Variants in SNX29 observed in about 807,000 individuals in gnomAD.
SNX29 encodes the protein sorting nexin 29.
A neutral mutation model predicts 102.1 loss-of-function variants in SNX29; 78 were observed. The observed-to-expected ratio is 0.76, with a 90% CI of 0.64 to 0.92. The LOEUF is 0.92. Among genes scored for constraint, SNX29 ranks in the 40% least tolerant of loss-of-function variants. The probability of loss-of-function intolerance (pLI) is 0.00; values close to 1 mark genes in which losing one functional copy is unlikely to be tolerated. For synonymous variants in SNX29, 580 were observed against 414.5 expected (o/e 1.40, Z -4.85); for missense variants, 1,280 against 1,061.7 (o/e 1.21, Z -2.86).
At chr16:12,209,405 G>T (rs1186318625) in intron 14 of SNX29, among the ~76,000 whole-genome samples, 1 of 152,134 alleles carries the variant, frequency 6.6e-6, no homozygotes, top group Non-Finnish European at 1.5e-5. Flanking sequence ...GGCCAGACTG[G>T]TTTCAAACTC....
intron 3 of SNX29, among the ~76,000 whole-genome samples, chr16:12,007,717 C>T (rs970651515): frequency 7.9e-5 from 12 of 152,164 alleles, no homozygotes; most frequent in African/African-American, 2.7e-4. Context: ...ACAGCATGGC[C>T]GCTGCAGCCT....
chr16:12,254,293 C>T (rs1271535982), intron 14 of SNX29, among the ~76,000 whole-genome samples: 4 of 151,996 alleles, frequency 2.6e-5, no homozygotes, highest in Non-Finnish European at 5.9e-5. Flanking sequence ...TGTAGGTGGG[C>T]CAGGACTGAG....
At chr16:12,423,149 G>A (rs532034692) in intron 18 of SNX29, among the ~76,000 whole-genome samples, 14 of 152,042 alleles carry the variant, frequency 9.2e-5, no homozygotes, top group South Asian at 4.2e-4. Context: ...ATGGACCCTC[G>A]GCTCGCTAAA....
chr16:12,568,538 G>T lies in SNX29; in HGVS notation c.2351G>T (p.Ser784Ile). The T allele has an allele frequency of 1.9e-6, 3 of 1,609,670 alleles. No homozygotes were observed. The change falls in exon 21 of 21, where the codon AGC (serine) becomes ATC (isoleucine). Residue 784 changes from serine to isoleucine, a missense_variant. Physicochemically the swap from Ser to Ile is moderately radical, Grantham distance 142. Transcript: ENST00000566228. Reference sequence around the variant, plus strand: ...ACCCCGCCCGGAGAGCCTGTGAACAGCCGGCCCAAAGCAGCTTCCCGCTTC... The same window carrying T: ...ACCCCGCCCGGAGAGCCTGTGAACATCCGGCCCAAAGCAGCTTCCCGCTTC... ...DITPPGEPVN[S>I]RPKAASRFPK...
intron 3 of SNX29, among the ~76,000 whole-genome samples, chr16:12,022,951 C>A (rs2057074534): frequency 6.9e-6 from 1 of 145,290 alleles, no homozygotes; most frequent in Non-Finnish European, 1.5e-5. Flanking sequence ...AGCTGGAGTG[C>A]AGTGATGTGA....
chr16:12,332,385 C>G (rs2081315878), intron 15 of SNX29, among the ~76,000 whole-genome samples: 1 of 152,198 alleles, frequency 6.6e-6, no homozygotes, highest in Non-Finnish European at 1.5e-5. Flanking sequence ...ACTTTGGCAT[C>G]TAGCTGGGTT....
At chr16:12,343,056 T>A (rs754322244) in intron 15 of SNX29, among the ~76,000 whole-genome samples, 1 of 152,236 alleles carries the variant, frequency 6.6e-6, no homozygotes, top group Non-Finnish European at 1.5e-5. Flanking sequence ...TTACTGTCTT[T>A]CTCTTGAAAC....
intron 20 of SNX29, among the ~76,000 whole-genome samples, chr16:12,567,615 ACTCAGGTAT>A (rs1440503902): frequency 1.3e-5 from 2 of 152,046 alleles, no homozygotes; most frequent in African/African-American, 4.8e-5. Context: ...AAAAAATTAC[ACTCAGGTAT>A]GGTGGCTAGT....
At chr16:12,025,518 A>C (rs12444149) in intron 3 of SNX29, among the ~76,000 whole-genome samples, 3 of 152,154 alleles carry the variant, frequency 2.0e-5, no homozygotes, top group Admixed American at 2.0e-4. Context: ...GCTAGGTGCC[A>C]GGAATCCAGC....
chr16:12,068,336 T>C (rs1173805113), intron 9 of SNX29, among the ~76,000 whole-genome samples: 3 of 151,600 alleles, frequency 2.0e-5, no homozygotes, highest in Admixed American at 6.6e-5. Context: ...AAAAATAAAT[T>C]AGCTCGGCAT....
chr16:12,189,654 G>C (rs2076594471), intron 13 of SNX29, among the ~76,000 whole-genome samples: 2 of 152,168 alleles, frequency 1.3e-5, no homozygotes, highest in South Asian at 4.2e-4. Flanking sequence ...ATTTTGTAGG[G>C]AGGTTTTTGA....
In SNX29 at chr16:12,551,331, A is replaced by C. The variant is rs929186928; in HGVS notation, c.2319-17175A>C. Among the ~76,000 whole-genome samples, 3 of 152,222 alleles carry C rather than the reference A, an allele frequency of 2.0e-5. No individual in the cohort carries two copies. In the East Asian group the frequency reaches 5.8e-4, roughly 29 times the overall value. Reference sequence around the variant, plus strand: ...AAAAGCCACTTGTAACCTCAGAGATATGTGGAATCATTCTTTTGGGGGCTA... The same window carrying C: ...AAAAGCCACTTGTAACCTCAGAGATCTGTGGAATCATTCTTTTGGGGGCTA... On this transcript the variant is annotated intron_variant, in intron 20 of 20. Coordinates refer to ENST00000566228, the MANE Select transcript of SNX29 (RefSeq NM_032167.5).
intron 5 of SNX29, among the ~76,000 whole-genome samples, chr16:12,044,454 T>C (rs1471322561): frequency 6.6e-6 from 1 of 152,150 alleles, no homozygotes; most frequent in Non-Finnish European, 1.5e-5. Context: ...TGGGAGTGCT[T>C]GGGAACCAGG....
chr16:11,981,472 C>G lies in SNX29; in HGVS notation c.7+4659C>G, dbSNP rs553043306. ...TAAACTACAGGCTGCCCTTTAATCT[C>G]TCTCCTTTTCCCCCTTGCATTTGTT... On this transcript the variant is annotated intron_variant, in intron 1 of 20. Transcript: ENST00000566228. Among the ~76,000 whole-genome samples the G allele has an allele frequency of 5.9e-5, 9 of 152,230 alleles. No individual in the cohort carries two copies. The South Asian group carries it at 1.9e-3, about 32-fold the overall frequency.
Position 12,568,909 on chromosome 16 carries a change from C to G in SNX29, c.*280C>G. ...ACCCTGGGCTGCAAGGGCTGTTCCT[C>G]CACCTTTCTGTAGTTCAGGGCTGGC... On this transcript the variant is annotated 3_prime_UTR_variant, in exon 21 of 21. Transcript: ENST00000566228. 2.1e-6 allele frequency: 1 copy of G among 471,316 alleles called. No homozygotes were observed. Among genetic ancestry groups the G allele is most frequent in the South Asian group, 3.1e-5 (1 of 32,198 alleles). The allele number at this position is 471,316 out of a possible 1,614,324, so 29.2% of individuals were successfully genotyped here. A position where few individuals can be genotyped will look rare whatever the true frequency, so the allele number is the denominator to read the frequency against.
chr16:12,570,166 A>G lies in SNX29; in HGVS notation c.*1537A>G. 9.4e-7 allele frequency: 1 copy of G among 1,061,882 alleles called. No individual in the cohort carries two copies. 65.8% of individuals were successfully genotyped at this position (1,061,882 alleles called of 1,614,324 possible). ...GATCACTCACACACAGCGCCCCCCC[A>G]CCCCAGAGAAACCGAGTCAGCCTAC... is the stretch of plus-strand genomic sequence containing the variant. On this transcript the variant is annotated 3_prime_UTR_variant, in exon 21 of 21. Transcript: ENST00000566228.
At chr16:12,567,530 A>T (rs62028744) in intron 20 of SNX29, among the ~76,000 whole-genome samples, 15,338 of 152,176 alleles carry the variant, frequency 0.1, 1,017 homozygotes, top group Non-Finnish European at 0.14. Flanking sequence ...CACACCTGTA[A>T]TCCCAGCACT....
intron 14 of SNX29, among the ~76,000 whole-genome samples, chr16:12,271,830 G>T (rs974304608): frequency 6.6e-6 from 1 of 152,042 alleles, no homozygotes; most frequent in Non-Finnish European, 1.5e-5. Flanking sequence ...CACCTGTTGG[G>T]CAGGCTGGTG....
intron 11 of SNX29, among the ~76,000 whole-genome samples, chr16:12,105,227 C>CCCTT (rs35638104): frequency 0.15 from 15,533 of 104,540 alleles, 1,103 homozygotes; most frequent in Middle Eastern, 0.28. Context: ...CTCCCTCCCT[C>CCCTT]CCTTCCTTCC....
Sources: gnomAD v4.1 joint callset for allele counts (sites outside exome capture counted in the v4.1 genomes callset) on GRCh38, gnomAD v4.1.1 for gene constraint, MANE v1.5 for transcripts, NCBI Gene and HGNC (gene_info 2026-07-23, HGNC 2026-07-21) for gene names.